The following KLF12 variants were observed in gnomAD, a reference collection of about 807,000 sequenced individuals.
KLF12 encodes KLF transcription factor 12, also known as Krueppel-like factor 12.
In KLF12, 9 loss-of-function variants were observed where a neutral mutation model predicts 37.8. The observed-to-expected ratio is 0.24, with a 90% CI of 0.14 to 0.42. The LOEUF is 0.42. Among genes scored for constraint, KLF12 ranks in the 10% least tolerant of loss-of-function variants. The pLI is 1.00. For synonymous variants in KLF12, 208 were observed against 202.1 expected (o/e 1.03, Z -0.25); for missense variants, 411 against 516.0 (o/e 0.80, Z 1.97).
chr13:73,890,634 G>A (rs1398247096), intron 3 of KLF12, among the ~76,000 whole-genome samples: 1 of 151,768 alleles, frequency 6.6e-6, no homozygotes, highest in East Asian at 1.9e-4. Context: ...TCCTGCACTA[G>A]GCCCCAGCAG....
the KLF12 span, among the ~76,000 whole-genome samples, chr13:74,248,513 A>G: frequency 2.6e-5 from 4 of 152,238 alleles, no homozygotes; most frequent in Non-Finnish European, 4.4e-5. Flanking sequence ...ATCAACTAAT[A>G]TAATTTCAGC....
intron 1 of KLF12, among the ~76,000 whole-genome samples, chr13:74,014,482 T>A (rs757883859): frequency 6.6e-6 from 1 of 152,204 alleles, no homozygotes; most frequent in Non-Finnish European, 1.5e-5. Context: ...TACTCAAATA[T>A]TGAACATGCG....
At chr13:73,859,861 A>G (rs1885823267) in intron 3 of KLF12, among the ~76,000 whole-genome samples, 1 of 152,182 alleles carries the variant, frequency 6.6e-6, no homozygotes, top group South Asian at 2.1e-4. Context: ...GAAAGCGAGT[A>G]CAATTAGCAT....
chr13:74,270,016 C>A, the KLF12 span, among the ~76,000 whole-genome samples: 1 of 152,174 alleles, frequency 6.6e-6, no homozygotes, highest in Non-Finnish European at 1.5e-5. Flanking sequence ...GACAACCATT[C>A]CAGTGGAGAG....
intron 4 of KLF12, among the ~76,000 whole-genome samples, chr13:73,814,721 C>A (rs1187297398): frequency 6.6e-6 from 1 of 151,810 alleles, no homozygotes; most frequent in African/African-American, 2.4e-5. Context: ...AGACACCTGG[C>A]AACATCCAGA....
At chr13:73,878,906 T>C (rs1156803956) in intron 3 of KLF12, among the ~76,000 whole-genome samples, 3 of 151,602 alleles carry the variant, frequency 2.0e-5, no homozygotes, top group Non-Finnish European at 2.9e-5. Context: ...GAAATGGGGG[T>C]GAGGAGCAAG....
chr13:73,986,653 G>A (rs1001837862), intron 2 of KLF12, among the ~76,000 whole-genome samples: 5 of 152,174 alleles, frequency 3.3e-5, no homozygotes, highest in African/African-American at 9.7e-5. Context: ...AAAATAAGGA[G>A]ATCATCCTGG....
intron 1 of KLF12, among the ~76,000 whole-genome samples, chr13:74,109,530 G>T (rs942907079): frequency 6.6e-6 from 1 of 152,132 alleles, no homozygotes; most frequent in African/African-American, 2.4e-5. Context: ...CACAGGAAAA[G>T]ATGGGAAACT....
chr13:73,787,174 G>T (rs1375603004), intron 5 of KLF12, among the ~76,000 whole-genome samples: 1 of 152,102 alleles, frequency 6.6e-6, no homozygotes, highest in African/African-American at 2.4e-5. Flanking sequence ...TGTAACATCT[G>T]TAACAACTAT....
chr13:73,991,775 T>C (rs1281943378), intron 2 of KLF12, among the ~76,000 whole-genome samples: 1 of 152,192 alleles, frequency 6.6e-6, no homozygotes, highest in Non-Finnish European at 1.5e-5. Context: ...AATTGCAGCT[T>C]TTGGAGCAGC....
the KLF12 span, among the ~76,000 whole-genome samples, chr13:74,144,202 G>A: frequency 6.6e-6 from 1 of 152,148 alleles, no homozygotes; most frequent in Non-Finnish European, 1.5e-5. Context: ...GGAACGTGAG[G>A]CATCTGATGC....
rs577769587 is a variant in KLF12 at position 73,852,638 on chromosome 13, G to A, written c.124-6265C>T. The stretch of plus-strand genomic sequence containing the variant: ...CTAAAAATACAAAAATTAGCCGGGC[G>A]TGGTGGCGCGTGCCTGTAATCTCAG... On this transcript the variant is annotated intron_variant, in intron 3 of 7. Transcript: ENST00000377669. Among the ~76,000 whole-genome samples the A allele has an allele frequency of 1.1e-3, 163 of 151,954 alleles. 2 individuals carry two copies. Among genetic ancestry groups the A allele is most frequent in the African/African-American group, 3.4e-3 (141 of 41,482 alleles).
chr13:73,874,805 A>C (rs967137422), intron 3 of KLF12, among the ~76,000 whole-genome samples: 15 of 152,190 alleles, frequency 9.9e-5, no homozygotes, highest in African/African-American at 3.4e-4. Flanking sequence ...TTTCCTTGAT[A>C]CTGAAATTTT....
intron 1 of KLF12, among the ~76,000 whole-genome samples, chr13:74,075,810 G>A (rs952978972): frequency 4.6e-5 from 7 of 152,120 alleles, no homozygotes; most frequent in Admixed American, 4.6e-4. Context: ...CACAAGACAG[G>A]CATTTTAAAC....
At chr13:74,081,814 C>A (rs1461508981) in intron 1 of KLF12, among the ~76,000 whole-genome samples, 1 of 152,076 alleles carries the variant, frequency 6.6e-6, no homozygotes, top group Non-Finnish European at 1.5e-5. Context: ...AAATAAGTCA[C>A]CTTATTTAAT....
intron 3 of KLF12, among the ~76,000 whole-genome samples, chr13:73,862,743 T>C (rs1400490957): frequency 6.6e-6 from 1 of 152,182 alleles, no homozygotes; most frequent in African/African-American, 2.4e-5. Context: ...CGTTATTCAA[T>C]TATTTATTAC....
intron 1 of KLF12, among the ~76,000 whole-genome samples, chr13:74,021,215 T>G (rs1048114785): frequency 2.0e-5 from 3 of 152,134 alleles, no homozygotes; most frequent in Non-Finnish European, 4.4e-5. Flanking sequence ...GTGTTATTAA[T>G]AAGTTCATAA....
chr13:74,177,599 A>T, the KLF12 span, among the ~76,000 whole-genome samples: 11 of 152,256 alleles, frequency 7.2e-5, no homozygotes, highest in African/African-American at 2.7e-4. Context: ...TATTTTAATA[A>T]GAAATGACAT....
chr13:73,881,341 C>T (rs4883957), intron 3 of KLF12, among the ~76,000 whole-genome samples: 119,058 of 152,050 alleles, frequency 0.78, 46,791 homozygotes, highest in East Asian at 0.9. Flanking sequence ...ATAATTGCTT[C>T]CATTTCTTTA....
Sources: allele counts gnomAD v4.1 joint callset (sites outside exome capture counted in the v4.1 genomes callset), GRCh38; gene constraint gnomAD v4.1.1; transcripts MANE v1.5; gene names NCBI Gene and HGNC (gene_info 2026-07-23, HGNC 2026-07-21).